Variants in PRKAR1B observed in about 807,000 individuals in gnomAD.
PRKAR1B encodes the protein cAMP-dependent protein kinase type I-beta regulatory subunit.
Under a neutral mutation model 46.5 loss-of-function variants are expected in PRKAR1B, and 22 were observed. That is an observed-to-expected ratio of 0.47 (90% CI 0.34 to 0.68). The LOEUF is 0.68. Ranked by LOEUF, PRKAR1B falls within the 30% of genes least tolerant of loss-of-function variation. The pLI is 0.01. For missense variants in PRKAR1B, 445 were observed against 535.6 expected (o/e 0.83, Z 1.67); for synonymous variants, 259 against 217.7 (o/e 1.19, Z -1.67).
chr7:689,914 C>T (rs771355719), intron 2 of PRKAR1B, among the ~76,000 whole-genome samples: 1 of 151,802 alleles, frequency 6.6e-6, no homozygotes. Flanking sequence ...ATCTCCTGAC[C>T]TCGTGATCCG....
chr7:725,807 G>C (rs1781243320), intron 1 of PRKAR1B, among the ~76,000 whole-genome samples: 1 of 152,182 alleles, frequency 6.6e-6, no homozygotes, highest in Admixed American at 6.5e-5. Context: ...TGGTGCTCAA[G>C]ATATTTTTCA....
chr7:636,444 T>TCCTCCACCGGACTGTGCCCA (rs1562579465), intron 4 of PRKAR1B, among the ~76,000 whole-genome samples: 3 of 36,366 alleles, frequency 8.2e-5, no homozygotes, highest in Non-Finnish European at 6.7e-5. Context: ...GGCCGCGCCC[T>TCCTCCACCGGACTGTGCCCA]CACGTCCTCC....
chr7:661,130 C>T (rs1421209089), intron 4 of PRKAR1B, among the ~76,000 whole-genome samples: 1 of 51,050 alleles, frequency 2.0e-5, no homozygotes, highest in Non-Finnish European at 3.9e-5. Context: ...AGGTCCCCAC[C>T]CCAACGGGTC....
chr7:685,036 T>C (rs1778926668), intron 2 of PRKAR1B, among the ~76,000 whole-genome samples: 1 of 151,724 alleles, frequency 6.6e-6, no homozygotes, highest in South Asian at 2.1e-4. Context: ...TTGTCCCTCC[T>C]GAAATTTGAT....
At chr7:618,040 C>T (rs1043526748) in intron 4 of PRKAR1B, among the ~76,000 whole-genome samples, 1 of 152,154 alleles carries the variant, frequency 6.6e-6, no homozygotes, top group Admixed American at 6.5e-5. Context: ...CCCCTCACCG[C>T]CCCCACCAAA....
At chr7:636,634 T>C (rs927126531) in intron 4 of PRKAR1B, among the ~76,000 whole-genome samples, 1 of 152,188 alleles carries the variant, frequency 6.6e-6, no homozygotes, top group East Asian at 1.9e-4. Flanking sequence ...TGACCCCAGG[T>C]GGCCAGCACC....
chr7:650,823 G>T lies in PRKAR1B; in HGVS notation c.440+26406C>A, dbSNP rs150070593. 1.0e-2 allele frequency among the ~76,000 whole-genome samples: 1,518 copies of T among 152,196 alleles called. 11 individuals carry two copies. The highest frequency in any genetic ancestry group is 0.017 in the Middle Eastern group (5 of 294). ...ACGTGGCCAGCAGGCAGCAGGCTGG[G>T]ACCGAGCCCAGAGGCGTCTGAGGCA... On this transcript the variant is annotated intron_variant, in intron 4 of 10. Coordinates refer to ENST00000537384, the MANE Select transcript of PRKAR1B (RefSeq NM_001164760.2).
chr7:611,034 G>T (rs1216162473), intron 4 of PRKAR1B, among the ~76,000 whole-genome samples: 1 of 152,186 alleles, frequency 6.6e-6, no homozygotes, highest in East Asian at 1.9e-4. Context: ...AGAGCCCCTG[G>T]TCTGTCTCTT....
chr7:697,715 C>T (rs967205847), intron 2 of PRKAR1B, among the ~76,000 whole-genome samples: 7 of 151,604 alleles, frequency 4.6e-5, no homozygotes, highest in South Asian at 2.1e-4. Flanking sequence ...AGCCATGAGG[C>T]GGGGAAACTG....
Position 657,412 on chromosome 7 carries a change from GATGGATGA to G in PRKAR1B, c.440+19809_440+19816del, listed in dbSNP as rs1446702393. ...GCATGGATGGATGGATGGATGGATG[GATGGATGA>G]ATGAATGAATGGGTGAATGATTCAT... On this transcript the variant is annotated intron_variant, in intron 4 of 10. Coordinates refer to ENST00000537384, the MANE Select transcript of PRKAR1B (RefSeq NM_001164760.2). Among the ~76,000 whole-genome samples, 13 of 150,038 alleles carry G rather than the reference GATGGATGA, an allele frequency of 8.7e-5. No homozygotes were observed. The South Asian group carries it at 1.6e-3, about 18-fold the overall frequency.
chr7:633,069 A>T (rs1783858192), intron 4 of PRKAR1B, among the ~76,000 whole-genome samples: 1 of 152,196 alleles, frequency 6.6e-6, no homozygotes, highest in Non-Finnish European at 1.5e-5. Flanking sequence ...GTGTGAATTC[A>T]TTCTCTGCTC....
chr7:661,523 C>T (rs1241129701), intron 4 of PRKAR1B, among the ~76,000 whole-genome samples: 2 of 84,698 alleles, frequency 2.4e-5, no homozygotes, highest in Non-Finnish European at 2.4e-5. Flanking sequence ...CACAGGTCCC[C>T]ACCCCAACAG....
intron 4 of PRKAR1B, among the ~76,000 whole-genome samples, chr7:651,396 C>G (rs867514134): frequency 6.6e-6 from 1 of 152,250 alleles, no homozygotes; most frequent in Non-Finnish European, 1.5e-5. Context: ...TGATGCCTTA[C>G]AGAGCTCTTC....
chr7:563,922 T>C (rs1187248149), intron 9 of PRKAR1B, among the ~76,000 whole-genome samples: 2 of 152,016 alleles, frequency 1.3e-5, no homozygotes, highest in Non-Finnish European at 2.9e-5. Context: ...TGGGTGAGTA[T>C]GTGCGTTGGT....
rs562920873 is a variant in PRKAR1B at position 583,188 on chromosome 7, A to G, written c.769+1320T>C. 4.3e-4 allele frequency among the ~76,000 whole-genome samples: 65 copies of G among 152,268 alleles called. 1 individual carries two copies. In the South Asian group the frequency reaches 0.013, roughly 31 times the overall value. On this transcript the variant is annotated intron_variant, in intron 8 of 10. Coordinates refer to ENST00000537384, the MANE Select transcript of PRKAR1B (RefSeq NM_001164760.2). ...CGGCCCTGAAATGCGCTTCCGGGAA[A>G]GGTCAAAACGGTCGGCGTGCTGTGA...
At chr7:676,209 T>C (rs1786572452) in intron 4 of PRKAR1B, among the ~76,000 whole-genome samples, 1 of 152,164 alleles carries the variant, frequency 6.6e-6, no homozygotes, top group South Asian at 2.1e-4. Context: ...ATTTTTGCTT[T>C]CAATCTTTTC....
chr7:570,848 C>T (rs1457392515), intron 9 of PRKAR1B, among the ~76,000 whole-genome samples: 5 of 152,060 alleles, frequency 3.3e-5, no homozygotes, highest in Non-Finnish European at 2.9e-5. Flanking sequence ...CCCTGCCCCA[C>T]GGCCCCCACC....
At chr7:621,021 G>C (rs1047634211) in intron 4 of PRKAR1B, among the ~76,000 whole-genome samples, 2 of 152,246 alleles carry the variant, frequency 1.3e-5, no homozygotes, top group African/African-American at 4.8e-5. Flanking sequence ...ACACCTATGT[G>C]ACATGTCACA....
At chr7:692,291 T>C (rs1234875997) in intron 2 of PRKAR1B, among the ~76,000 whole-genome samples, 2 of 152,136 alleles carry the variant, frequency 1.3e-5, no homozygotes, top group Non-Finnish European at 2.9e-5. Flanking sequence ...TCCCAGCTAC[T>C]TGGGAGGCTG....
Sources: gnomAD v4.1 joint callset for allele counts (sites outside exome capture counted in the v4.1 genomes callset) on GRCh38, gnomAD v4.1.1 for gene constraint, MANE v1.5 for transcripts, NCBI Gene and HGNC (gene_info 2026-07-23, HGNC 2026-07-21) for gene names.